The following BABAM2 variants were observed in gnomAD, a reference collection of about 807,000 sequenced individuals.
BABAM2 encodes BRISC and BRCA1 A complex member 2, also known as BRISC and BRCA1-A complex member 2.
Under a neutral mutation model 54.7 loss-of-function variants are expected in BABAM2, and 31 were observed. The observed-to-expected ratio is 0.57, with a 90% confidence interval of 0.43 to 0.77. The LOEUF is 0.77. Among genes scored for constraint, BABAM2 ranks in the 30% least tolerant of loss-of-function variants. The pLI is 0.00. For missense variants in BABAM2, 364 were observed against 455.8 expected, an observed-to-expected ratio of 0.80 and a Z score of 1.83; for synonymous variants, 167 against 162.9, an observed-to-expected ratio of 1.03 and a Z score of -0.19.
chr2:28,323,630 T>C (rs1690208468), intron 11 of BABAM2, among the ~76,000 whole-genome samples: 1 of 152,162 alleles, frequency 6.6e-6, no homozygotes, highest in African/African-American at 2.4e-5. Context: ...GAATCACAGC[T>C]AAAGCTCCCG....
chr2:28,151,462 C>G (rs1187202509), intron 7 of BABAM2, among the ~76,000 whole-genome samples: 2 of 151,944 alleles, frequency 1.3e-5, no homozygotes, highest in Non-Finnish European at 2.9e-5. Flanking sequence ...TCCCAGCTGT[C>G]CAGAAGACTG....
At chr2:28,056,943 C>G (rs1268592975) in intron 6 of BABAM2, among the ~76,000 whole-genome samples, 1 of 152,182 alleles carries the variant, frequency 6.6e-6, no homozygotes, top group Admixed American at 6.5e-5. Context: ...TCTATATTTT[C>G]CTCATAAGTC....
At chr2:28,205,116 A>G (rs978245234) in intron 7 of BABAM2, among the ~76,000 whole-genome samples, 3 of 152,102 alleles carry the variant, frequency 2.0e-5, no homozygotes, top group African/African-American at 7.2e-5. Context: ...ACTTTCCATG[A>G]TTTATTGTTG....
chr2:27,984,159 A>G (rs939643320), intron 3 of BABAM2, among the ~76,000 whole-genome samples: 14 of 151,848 alleles, frequency 9.2e-5, no homozygotes, highest in African/African-American at 2.4e-4. Flanking sequence ...GGAATTTAGC[A>G]TGTTATTTAT....
chr2:28,267,430 CACACACAT>C (rs1184567407), intron 10 of BABAM2, among the ~76,000 whole-genome samples: 1 of 144,196 alleles, frequency 6.9e-6, no homozygotes, highest in African/African-American at 2.7e-5. Flanking sequence ...ACTAGACACA[CACACACAT>C]ACACACACAC....
At chr2:28,020,305 A>G (rs1358591449) in intron 4 of BABAM2, among the ~76,000 whole-genome samples, 3 of 152,212 alleles carry the variant, frequency 2.0e-5, no homozygotes, top group Non-Finnish European at 4.4e-5. Flanking sequence ...GAAGTGTGAA[A>G]TAAAAGATGT....
chr2:28,293,122 C>G (rs976847624), intron 10 of BABAM2, among the ~76,000 whole-genome samples: 1 of 152,170 alleles, frequency 6.6e-6, no homozygotes, highest in Non-Finnish European at 1.5e-5. Context: ...TTTAATGTTC[C>G]TTGTCCTCAT....
At chr2:27,966,322 C>G (rs1670840174) in intron 3 of BABAM2, among the ~76,000 whole-genome samples, 2 of 152,136 alleles carry the variant, frequency 1.3e-5, no homozygotes, top group African/African-American at 4.8e-5. Context: ...TAAATTCTTT[C>G]TTTTTCTTTA....
At chr2:27,923,979 A>T (rs866404976) in intron 2 of BABAM2, among the ~76,000 whole-genome samples, 15 of 148,870 alleles carry the variant, frequency 1.0e-4, no homozygotes, top group South Asian at 8.4e-4. Context: ...CAAAAAATTT[A>T]AAAAAAAATG....
chr2:28,026,837 T>G (rs1294171603), intron 5 of BABAM2, among the ~76,000 whole-genome samples: 4 of 59,972 alleles, frequency 6.7e-5, no homozygotes, highest in Admixed American at 2.6e-4. Context: ...TATATAAATA[T>G]ATATAAATAT....
rs34597279 is a variant in BABAM2 at position 28,250,584 on chromosome 2, C to CTTTTTTTTTT, written c.934+5723_934+5732dup. ...TATAAACAATCATATATATTTTTTT[C>CTTTTTTTTTT]TTTTTTTTTTGTTTGTTTGTTTGTT... On this transcript the variant is annotated intron_variant, in intron 10 of 11. Transcript: ENST00000379624. 2.0e-3 allele frequency among the ~76,000 whole-genome samples: 276 copies of CTTTTTTTTTT among 136,364 alleles called. 1 individual carries two copies. Among genetic ancestry groups the CTTTTTTTTTT allele is most frequent in the Middle Eastern group, 3.8e-3 (1 of 260 alleles). The allele number at this position is 136,364 out of a possible 152,430, so 89.5% of individuals were successfully genotyped here.
intron 3 of BABAM2, among the ~76,000 whole-genome samples, chr2:27,967,682 G>A (rs1224745418): frequency 6.6e-6 from 1 of 152,154 alleles, no homozygotes; most frequent in Non-Finnish European, 1.5e-5. Flanking sequence ...CTAGAGACTT[G>A]TTGAATGGCT....
intron 7 of BABAM2, among the ~76,000 whole-genome samples, chr2:28,223,934 C>G (rs1436028890): frequency 6.6e-6 from 1 of 152,144 alleles, no homozygotes; most frequent in African/African-American, 2.4e-5. Context: ...TCCTCCCACC[C>G]CTTCCTCTCT....
intron 3 of BABAM2, among the ~76,000 whole-genome samples, chr2:27,939,092 A>G (rs1382123464): frequency 6.6e-6 from 1 of 152,108 alleles, no homozygotes; most frequent in Non-Finnish European, 1.5e-5. Flanking sequence ...AGCTGGGACT[A>G]CAGGCACTGG....
At chr2:27,905,844 C>T (rs115682245) in intron 2 of BABAM2, among the ~76,000 whole-genome samples, 1,778 of 152,206 alleles carry the variant, frequency 0.012, 16 homozygotes, top group Non-Finnish European at 0.019. Flanking sequence ...TGCAAATCTA[C>T]GGAGGTAGGA....
intron 7 of BABAM2, among the ~76,000 whole-genome samples, chr2:28,210,072 A>C (rs1251373027): frequency 2.6e-5 from 4 of 152,138 alleles, no homozygotes; most frequent in Non-Finnish European, 5.9e-5. Context: ...TGAATGTAGA[A>C]GTCCTTAGGC....
At position 28,112,149 on chromosome 2, in the gene BABAM2, ACCTCCCTC is replaced by A. The variant is rs1276524368; in HGVS notation, c.571-17078_571-17071del. Reference sequence around the variant, plus strand: ...TCTTTCTTTCTTTCTTTCTTTCTTTACCTCCCTCCCTCCCTCCCTCCCTCCCTCCCTCC... The same window carrying A: ...TCTTTCTTTCTTTCTTTCTTTCTTTACCTCCCTCCCTCCCTCCCTCCCTCC... On this transcript the variant is annotated intron_variant, in intron 6 of 11. Coordinates refer to ENST00000379624, the MANE Select transcript of BABAM2 (RefSeq NM_199191.3). Among the ~76,000 whole-genome samples, 3 of 10,976 alleles carry A rather than the reference ACCTCCCTC, an allele frequency of 2.7e-4. 1 individual carries two copies. Among genetic ancestry groups the A allele is most frequent in the Admixed American group, 2.1e-3 (2 of 954 alleles). 7.2% of individuals were successfully genotyped at this position (10,976 alleles called of 152,430 possible). A position where few individuals can be genotyped will look rare whatever the true frequency, so the allele number is the denominator to read the frequency against.
chr2:28,135,544 T>G (rs1181961541), intron 7 of BABAM2, among the ~76,000 whole-genome samples: 1 of 152,174 alleles, frequency 6.6e-6, no homozygotes, highest in Non-Finnish European at 1.5e-5. Flanking sequence ...TTCTCCCTGC[T>G]TACAGATCTG....
intron 2 of BABAM2, among the ~76,000 whole-genome samples, chr2:27,926,960 C>A (rs2148344204): frequency 6.6e-6 from 1 of 152,264 alleles, no homozygotes; most frequent in African/African-American, 2.4e-5. Flanking sequence ...CAATATCCTC[C>A]TTCTAGCTAT....
Sources: gnomAD v4.1 joint callset for allele counts (sites outside exome capture counted in the v4.1 genomes callset) on GRCh38, gnomAD v4.1.1 for gene constraint, MANE v1.5 for transcripts, NCBI Gene and HGNC (gene_info 2026-07-23, HGNC 2026-07-21) for gene names.